Variants in CALR3 observed in about 807,000 individuals in gnomAD.
CALR3 encodes calreticulin-3.
A neutral mutation model predicts 48.7 loss-of-function variants in CALR3; 39 were observed. That is an observed-to-expected ratio of 0.80 (90% CI 0.62 to 1.05). The LOEUF is 1.05. Among genes scored for constraint, CALR3 ranks in the 50% least tolerant of loss-of-function variants. The pLI is 0.00. For missense variants in CALR3, 449 were observed against 474.7 expected, an observed-to-expected ratio of 0.95 and a Z score of 0.50; for synonymous variants, 185 against 172.7, an observed-to-expected ratio of 1.07 and a Z score of -0.56.
At chr19:16,493,678 T>C (rs1033995446) in intron 2 of CALR3, among the ~76,000 whole-genome samples, 1 of 151,560 alleles carries the variant, frequency 6.6e-6, no homozygotes, top group Non-Finnish European at 1.5e-5. Flanking sequence ...ATCTCTCAAG[T>C]AGCTGGGACT....
intron 3 of CALR3, among the ~76,000 whole-genome samples, chr19:16,488,084 A>T (rs2093391999): frequency 6.6e-6 from 1 of 152,048 alleles, no homozygotes; most frequent in East Asian, 1.9e-4. Context: ...AAGTGCTGGG[A>T]TTACAGGTGT....
At chr19:16,494,628 T>C (rs894092585) in intron 2 of CALR3, among the ~76,000 whole-genome samples, 4 of 152,232 alleles carry the variant, frequency 2.6e-5, no homozygotes, top group African/African-American at 9.6e-5. Flanking sequence ...CCCAAAGTGC[T>C]GGGATTACAG....
chr19:16,495,972 T>C (rs2093407569), intron 1 of CALR3, 67 bp downstream of exon 1: 1 of 1,566,962 alleles, frequency 6.4e-7, no homozygotes, highest in Non-Finnish European at 8.7e-7. Context: ...GTGGCGACTC[T>C]GGCCAGCCTT....
intron 3 of CALR3, among the ~76,000 whole-genome samples, chr19:16,488,696 C>T (rs760005601): frequency 2.6e-5 from 4 of 152,188 alleles, no homozygotes; most frequent in South Asian, 2.1e-4. Flanking sequence ...GTGTGAGCCG[C>T]GACACCCGGC....
intron 8 of CALR3, 136 bp downstream of exon 8, chr19:16,480,478 G>A: frequency 1.5e-6 from 1 of 670,372 alleles, no homozygotes; most frequent in South Asian, 1.6e-5. Flanking sequence ...CTTGAACCCG[G>A]GAGGTGGAGG....
intron 6 of CALR3, 47 bp downstream of exon 6, chr19:16,482,631 G>A (rs756210666): frequency 3.7e-6 from 6 of 1,613,644 alleles, no homozygotes; most frequent in Non-Finnish European, 5.1e-6. Context: ...GGGCAGCGGA[G>A]GGGCAGCCCT....
rs529644089 is a variant in CALR3 at position 16,483,962 on chromosome 19, C to T, written c.646G>A (p.Asp216Asn). ...KKETSPAESKDWEQTKDNKAQ... is the reference protein window; with the variant it reads ...KKETSPAESKNWEQTKDNKAQ... The stretch of plus-strand genomic sequence containing the variant: ...TTGTTGTCTTTAGTCTGTTCCCAAT[C>T]CTTCGATTCTGCCGGGGACGTTTCC... Residue 216 changes from aspartate (D) to asparagine (N), a missense_variant, in exon 5 of 9, where the codon GAT becomes AAT. Coordinates refer to ENST00000269881, the MANE Select transcript of CALR3 (RefSeq NM_145046.5). 3 of 1,614,064 alleles carry T rather than the reference C, an allele frequency of 1.9e-6. No individual in the cohort carries two copies. The South Asian group carries it at 3.3e-5, about 18-fold the overall frequency.
At position 16,480,605 on chromosome 19, in the gene CALR3, G is replaced by A; in HGVS notation, c.1011+9C>T. On this transcript the variant is annotated intron_variant, in intron 8 of 8. Transcript: ENST00000269881. ...GTGATGTAGGAAGAGTTAATCACGT[G>A]CTTCATACCTTGGTTTCGCCCCAGG... 6.3e-7 allele frequency: 1 copy of A among 1,578,564 alleles called. No homozygotes were observed. The highest frequency in any genetic ancestry group is 8.7e-7 in the Non-Finnish European group (1 of 1,147,670).
At chr19:16,489,341 G>A (rs757081798) in intron 3 of CALR3, among the ~76,000 whole-genome samples, 4 of 151,866 alleles carry the variant, frequency 2.6e-5, no homozygotes, top group African/African-American at 4.8e-5. Context: ...CATCTTGGCC[G>A]GGTGCAGTGG....
In CALR3 at chr19:16,481,904, C is replaced by CT. The variant is rs747167825; in HGVS notation, c.918+545dup. On this transcript the variant is annotated intron_variant, in intron 7 of 8. Coordinates refer to ENST00000269881, the MANE Select transcript of CALR3 (RefSeq NM_145046.5). ...CCTAGAAGTTCTGAGACTCCCATCT[C>CT]TTTTTTTTTTTTTTTTTTTTGAGAC... 7.4e-3 allele frequency among the ~76,000 whole-genome samples: 538 copies of CT among 72,272 alleles called. 12 individuals carry two copies. Among genetic ancestry groups the CT allele is most frequent in the African/African-American group, 0.023 (471 of 20,146 alleles). The allele number at this position is 72,272 out of a possible 152,430, so 47.4% of individuals were successfully genotyped here. A position where few individuals can be genotyped will look rare whatever the true frequency, so the allele number is the denominator to read the frequency against.
intron 8 of CALR3, among the ~76,000 whole-genome samples, chr19:16,479,938 C>T (rs2093377864): frequency 6.6e-6 from 1 of 151,976 alleles, no homozygotes; most frequent in Non-Finnish European, 1.5e-5. Context: ...GGCGCGGTGG[C>T]TCACACCTGT....
At chr19:16,486,936 T>G (rs2093390031) in intron 3 of CALR3, among the ~76,000 whole-genome samples, 1 of 152,272 alleles carries the variant, frequency 6.6e-6, no homozygotes, top group South Asian at 2.1e-4. Flanking sequence ...ATTTTAATCT[T>G]TTTTTGACCC....
Position 16,479,089 on chromosome 19 carries a change from C to G in CALR3, c.*42G>C, listed in dbSNP as rs2093376041. The G allele has an allele frequency of 6.2e-7, 1 of 1,610,396 alleles. No individual in the cohort carries two copies. Among genetic ancestry groups the G allele is most frequent in the Admixed American group, 1.7e-5 (1 of 59,978 alleles). On this transcript the variant is annotated 3_prime_UTR_variant, in exon 9 of 9. Coordinates refer to ENST00000269881, the MANE Select transcript of CALR3 (RefSeq NM_145046.5). The stretch of plus-strand genomic sequence containing the variant: ...GAGTTTGAAACATAGATTAAAGTAG[C>G]AATGAGATTTTACCAGTCATCCTTA...
chr19:16,485,306 G>A (rs778492747), intron 3 of CALR3, 49 bp from the exon 4 acceptor site: 11 of 1,178,008 alleles, frequency 9.3e-6, no homozygotes, highest in African/African-American at 4.5e-5. Flanking sequence ...ATGCATCACC[G>A]TAGAATAACC....
At chr19:16,493,906 T>C (rs2093401763) in intron 2 of CALR3, among the ~76,000 whole-genome samples, 1 of 151,996 alleles carries the variant, frequency 6.6e-6, no homozygotes. Context: ...TTTTGTATTT[T>C]TAATAGAGAC....
chr19:16,483,964 T>G lies in CALR3; in HGVS notation c.644A>C (p.Lys215Thr). Reference protein sequence around the residue: ...LKKETSPAESKDWEQTKDNKA... With the variant: ...LKKETSPAESTDWEQTKDNKA... ...GTTGTCTTTAGTCTGTTCCCAATCC[T>G]TCGATTCTGCCGGGGACGTTTCCTT... The change falls in exon 5 of 9, where the codon AAG becomes ACG. Residue 215 changes from lysine (K) to threonine (T), a missense_variant. Physicochemically the swap from Lys to Thr is moderately conservative, Grantham distance 78. Coordinates refer to ENST00000269881, the MANE Select transcript of CALR3 (RefSeq NM_145046.5). The G allele has an allele frequency of 6.2e-7, 1 of 1,614,100 alleles. No individual in the cohort carries two copies. Among genetic ancestry groups the G allele is most frequent in the Non-Finnish European group, 8.5e-7 (1 of 1,180,024 alleles).
In CALR3 at chr19:16,490,563, T is replaced by G; in HGVS notation, c.201A>C (p.Gln67His). 6.2e-7 allele frequency: 1 copy of G among 1,614,126 alleles called. No homozygotes were observed. The highest frequency in any genetic ancestry group is 8.5e-7 in the Non-Finnish European group (1 of 1,180,006). Reference protein sequence around the residue: ...YGHKEKDKGLQTTQNGRFYAI... With the variant: ...YGHKEKDKGLHTTQNGRFYAI... ...CATAGAATCGGCCATTCTGAGTGGT[T>G]TGCAGACCTTTGAACAAAATATACT... The change falls in exon 3 of 9, where the codon CAA becomes CAC. Residue 67 changes from glutamine (Q) to histidine (H), a missense_variant. Transcript: ENST00000269881.
intron 2 of CALR3, 124 bp from the exon 3 acceptor site, chr19:16,490,694 A>G (rs1056245579): frequency 2.4e-6 from 2 of 844,070 alleles, no homozygotes; most frequent in African/African-American, 1.7e-5. Context: ...AGTGATCTAC[A>G]GTGCCAACAG....
chr19:16,485,171 T>C lies in CALR3; in HGVS notation c.484A>G (p.Arg162Gly), dbSNP rs1172919657. 6.3e-7 allele frequency: 1 copy of C among 1,595,952 alleles called. No homozygotes were observed. Among genetic ancestry groups the C allele is most frequent in the Non-Finnish European group, 8.6e-7 (1 of 1,163,698 alleles). ...NKYHENKKLI[R>G]CKVDGFTHLY... Reference sequence around the variant, plus strand: ...AATACAAGAGCAGTTACCTTACACCTGATCAGTTTCTTGTTTTCGTGATAC... The same window carrying C: ...AATACAAGAGCAGTTACCTTACACCCGATCAGTTTCTTGTTTTCGTGATAC... Residue 162 changes from arginine to glycine, a missense_variant, in exon 4 of 9, where the codon AGG becomes GGG. Coordinates refer to ENST00000269881, the MANE Select transcript of CALR3 (RefSeq NM_145046.5).
Sources: gnomAD v4.1 joint callset for allele counts (sites outside exome capture counted in the v4.1 genomes callset) on GRCh38, gnomAD v4.1.1 for gene constraint, MANE v1.5 for transcripts, NCBI Gene and HGNC (gene_info 2026-07-23, HGNC 2026-07-21) for gene names.